KIZ: variants seen among roughly 807,000 people sequenced by gnomAD.
The protein encoded by KIZ is centrosomal protein kizuna.
KIZ carries 68 observed loss-of-function variants against 79.6 expected under a neutral mutation model. The ratio of observed to expected loss-of-function variants is 0.85; its 90% CI spans 0.70 to 1.05. The LOEUF (loss-of-function observed/expected upper bound fraction) is 1.05, where lower values mean the gene tolerates loss of function less well. KIZ is among the 50% of genes least tolerant of loss of function. The pLI, the probability that KIZ is intolerant of heterozygous loss-of-function variation, is 0.00. For missense variants in KIZ, 797 were observed against 800.4 expected (o/e 1.00, Z 0.05); for synonymous variants, 280 against 281.8 (o/e 0.99, Z 0.06).
intron 6 of KIZ, among the ~76,000 whole-genome samples, chr20:21,169,862 G>A (rs1199366315): frequency 6.6e-6 from 1 of 152,104 alleles, no homozygotes; most frequent in Non-Finnish European, 1.5e-5. Flanking sequence ...ACTTAGTAAT[G>A]TATATTTAAG....
At chr20:21,240,803 T>A (rs1052035571) in intron 11 of KIZ, among the ~76,000 whole-genome samples, 4 of 152,232 alleles carry the variant, frequency 2.6e-5, no homozygotes, top group African/African-American at 9.6e-5. Flanking sequence ...GTATATGAAA[T>A]TCAAATTTCC....
chr20:21,222,884 C>T (rs975560475), intron 9 of KIZ, among the ~76,000 whole-genome samples: 1 of 152,178 alleles, frequency 6.6e-6, no homozygotes, highest in Non-Finnish European at 1.5e-5. Flanking sequence ...AATAAGGTCA[C>T]GTTCTGAGGT....
intron 11 of KIZ, among the ~76,000 whole-genome samples, chr20:21,236,642 T>G (rs569776588): frequency 2.6e-4 from 39 of 151,968 alleles, no homozygotes; most frequent in African/African-American, 9.2e-4. Context: ...GGCCTCAGAG[T>G]CACAATAACT....
chr20:21,225,760 C>T (rs985572917), intron 9 of KIZ, among the ~76,000 whole-genome samples: 2 of 152,186 alleles, frequency 1.3e-5, no homozygotes, highest in South Asian at 4.1e-4. Context: ...CATAACTTTA[C>T]ACTCTTGCTT....
intron 3 of KIZ, among the ~76,000 whole-genome samples, chr20:21,143,176 G>A (rs2032664556): frequency 6.6e-6 from 1 of 152,094 alleles, no homozygotes; most frequent in African/African-American, 2.4e-5. Flanking sequence ...CTGACTTGAG[G>A]ATCAAATCAG....
In KIZ at chr20:21,145,653, A is replaced by AG. The variant is rs1444145965; in HGVS notation, c.405+1dup. On this transcript the variant is annotated frameshift_variant and splice_region_variant, in exon 4 of 13. Coordinates refer to ENST00000619189, the MANE Select transcript of KIZ (RefSeq NM_018474.6). LOFTEE classifies it high-confidence loss of function. ...GAACTGACAGATGAAGACAGAGAAA[A>AG]GGTAATAAACTAAATTGGTAACCTT... 4.9e-6 allele frequency: 7 copies of AG among 1,424,378 alleles called. No homozygotes were observed. The African/African-American group carries it at 7.2e-5, about 15-fold the overall frequency. 88.2% of individuals were successfully genotyped at this position (1,424,378 alleles called of 1,614,324 possible).
chr20:21,149,145 C>T (rs1330336337), intron 4 of KIZ, among the ~76,000 whole-genome samples: 3 of 152,202 alleles, frequency 2.0e-5, no homozygotes, highest in African/African-American at 4.8e-5. Context: ...CACAACCAGG[C>T]AGAACCAATA....
At chr20:21,155,856 C>T (rs1030929649) in intron 4 of KIZ, among the ~76,000 whole-genome samples, 8 of 152,112 alleles carry the variant, frequency 5.3e-5, no homozygotes, top group Admixed American at 1.3e-4. Context: ...TAATGCTCTA[C>T]GTGAACTTGT....
intron 6 of KIZ, among the ~76,000 whole-genome samples, chr20:21,181,874 G>A (rs2034670338): frequency 6.6e-6 from 1 of 152,198 alleles, no homozygotes; most frequent in Admixed American, 6.5e-5. Flanking sequence ...AAACACAGAT[G>A]CTTAAACAAG....
chr20:21,217,373 A>G (rs1024854147), intron 9 of KIZ, among the ~76,000 whole-genome samples: 1 of 152,184 alleles, frequency 6.6e-6, no homozygotes, highest in Non-Finnish European at 1.5e-5. Context: ...TGGCATAACT[A>G]TTTGGAGATT....
intron 4 of KIZ, among the ~76,000 whole-genome samples, chr20:21,159,727 C>T (rs2033566218): frequency 6.6e-6 from 1 of 152,164 alleles, no homozygotes; most frequent in South Asian, 2.1e-4. Context: ...AAATTATTCT[C>T]TTGTATGAAT....
intron 4 of KIZ, chr20:21,160,997 A>C (rs2033626889): frequency 6.6e-6 from 1 of 152,322 alleles, no homozygotes; most frequent in African/African-American, 2.4e-5. Context: ...TGGTATTGTT[A>C]TAGCAGCCTG....
intron 3 of KIZ, among the ~76,000 whole-genome samples, chr20:21,140,721 G>A (rs2032469149): frequency 6.6e-6 from 1 of 152,208 alleles, no homozygotes; most frequent in Non-Finnish European, 1.5e-5. Context: ...GTTCATGCCT[G>A]TAATCCCAGT....
chr20:21,190,278 G>A (rs945366815), intron 6 of KIZ, among the ~76,000 whole-genome samples: 2 of 152,186 alleles, frequency 1.3e-5, no homozygotes, highest in East Asian at 3.8e-4. Context: ...TTGACGGCTG[G>A]GCATTGCTCC....
intron 11 of KIZ, among the ~76,000 whole-genome samples, chr20:21,236,494 T>A (rs570494836): frequency 6.6e-5 from 10 of 152,288 alleles, no homozygotes; most frequent in Admixed American, 1.3e-4. Context: ...ATAAATTAGC[T>A]ATTTTCAGCC....
chr20:21,217,127 A>G (rs1264991816), intron 9 of KIZ, among the ~76,000 whole-genome samples: 1 of 152,222 alleles, frequency 6.6e-6, no homozygotes, highest in Non-Finnish European at 1.5e-5. Context: ...AATATTAGAC[A>G]TTAAAAAAAG....
intron 6 of KIZ, among the ~76,000 whole-genome samples, chr20:21,191,297 C>A (rs1235144890): frequency 1.3e-5 from 2 of 152,234 alleles, no homozygotes; most frequent in Non-Finnish European, 1.5e-5. Flanking sequence ...ATAATTTAAA[C>A]AGACTTTGCA....
chr20:21,179,540 A>AT (rs1367046669), intron 6 of KIZ, among the ~76,000 whole-genome samples: 28 of 150,126 alleles, frequency 1.9e-4, no homozygotes, highest in Admixed American at 2.6e-4. Flanking sequence ...AGTTTTATTG[A>AT]TTTTTTTTCC....
intron 7 of KIZ, among the ~76,000 whole-genome samples, chr20:21,207,466 AC>A (rs1319482696): frequency 1.5e-4 from 10 of 67,264 alleles, no homozygotes; most frequent in African/African-American, 5.4e-4. Flanking sequence ...CCATCTTCGT[AC>A]CCCCCTCCCT....
Sources: gnomAD v4.1 joint callset for allele counts (sites outside exome capture counted in the v4.1 genomes callset) on GRCh38, gnomAD v4.1.1 for gene constraint, MANE v1.5 for transcripts, NCBI Gene and HGNC (gene_info 2026-07-23, HGNC 2026-07-21) for gene names.